The following EYA1 variants were observed in gnomAD, a reference collection of about 807,000 sequenced individuals.
EYA1 encodes protein phosphatase EYA1.
EYA1 carries 16 observed loss-of-function variants against 82.0 expected under a neutral mutation model. The ratio of observed to expected loss-of-function variants is 0.20; its 90% CI spans 0.13 to 0.30. EYA1 has a LOEUF of 0.30. Ranked by LOEUF, EYA1 falls within the 10% of genes least tolerant of loss-of-function variation. The pLI is 1.00. For missense variants in EYA1, 633 were observed against 730.7 expected, an observed-to-expected ratio of 0.87 and a Z score of 1.54; for synonymous variants, 261 against 264.4, an observed-to-expected ratio of 0.99 and a Z score of 0.12.
At chr8:71,215,870 C>T in intron 14 of EYA1, 142 bp from the exon 15 acceptor site, 3 of 710,270 alleles carry the variant, frequency 4.2e-6, no homozygotes, top group Non-Finnish European at 7.6e-6. Flanking sequence ...TAGTACCATT[C>T]ATTTGACAAG....
chr8:71,510,868 A>C (rs1170039436), intron 2 of EYA1, among the ~76,000 whole-genome samples: 2 of 152,254 alleles, frequency 1.3e-5, no homozygotes, highest in Non-Finnish European at 2.9e-5. Flanking sequence ...GAGTGAACAC[A>C]TCTTCCAATC....
At chr8:71,393,020 T>C (rs1024555583) in intron 2 of EYA1, among the ~76,000 whole-genome samples, 5 of 152,146 alleles carry the variant, frequency 3.3e-5, no homozygotes, top group Non-Finnish European at 5.9e-5. Flanking sequence ...AGAAAATTGG[T>C]TTCATAGAAT....
chr8:71,452,053 A>G (rs1382743950), intron 2 of EYA1, among the ~76,000 whole-genome samples: 1 of 152,174 alleles, frequency 6.6e-6, no homozygotes, highest in Non-Finnish European at 1.5e-5. Context: ...CACCTGGAAA[A>G]TCAGGTCACT....
chr8:71,304,642 T>C (rs1434566698), intron 7 of EYA1, among the ~76,000 whole-genome samples: 1 of 142,756 alleles, frequency 7.0e-6, no homozygotes, highest in African/African-American at 2.5e-5. Context: ...GGAGGTGTTA[T>C]AGCAATTGCT....
chr8:71,388,951 T>C (rs2129107424), intron 2 of EYA1, among the ~76,000 whole-genome samples: 1 of 152,114 alleles, frequency 6.6e-6, no homozygotes, highest in Admixed American at 6.6e-5. Flanking sequence ...CACAAGTCCC[T>C]TGTAGACTAA....
intron 2 of EYA1, among the ~76,000 whole-genome samples, chr8:71,440,631 T>A (rs1333415795): frequency 6.6e-6 from 1 of 152,138 alleles, no homozygotes; most frequent in Non-Finnish European, 1.5e-5. Context: ...AAATGTGGAA[T>A]ATCCAGTGGG....
intron 1 of EYA1, among the ~76,000 whole-genome samples, chr8:71,539,345 G>C (rs890156989): frequency 5.3e-5 from 8 of 152,176 alleles, no homozygotes; most frequent in Non-Finnish European, 1.5e-5. Flanking sequence ...GCAGAGAGTG[G>C]CATGCAGCCC....
chr8:71,363,493 C>T (rs1264785411), upstream of EYA1, among the ~76,000 whole-genome samples: 1 of 152,140 alleles, frequency 6.6e-6, no homozygotes, highest in Non-Finnish European at 1.5e-5. Flanking sequence ...AGCAAGGAAT[C>T]ATGGGCTAGT....
chr8:71,215,596 C>T lies in EYA1; in HGVS notation c.1475+18G>A. Reference sequence around the variant, plus strand: ...AGCATTGCCCATTTCCTGGCAAAGACCCCGCAGAGAGCCTCACCGGGAGTG... The same window carrying T: ...AGCATTGCCCATTTCCTGGCAAAGATCCCGCAGAGAGCCTCACCGGGAGTG... On this transcript the variant is annotated intron_variant, in intron 15 of 17. Coordinates refer to ENST00000340726, the MANE Select transcript of EYA1 (RefSeq NM_000503.6). 1.9e-6 allele frequency: 3 copies of T among 1,610,202 alleles called. No individual in the cohort carries two copies. Among genetic ancestry groups the T allele is most frequent in the Non-Finnish European group, 2.6e-6 (3 of 1,176,468 alleles).
chr8:71,493,642 A>C (rs546668107), intron 2 of EYA1, among the ~76,000 whole-genome samples: 69 of 152,202 alleles, frequency 4.5e-4, no homozygotes, highest in African/African-American at 1.6e-3. Context: ...ATTACTTTGA[A>C]CATTTTAAAT....
intron 2 of EYA1, among the ~76,000 whole-genome samples, chr8:71,452,055 C>T (rs1807426998): frequency 6.6e-6 from 1 of 152,220 alleles, no homozygotes; most frequent in South Asian, 2.1e-4. Flanking sequence ...CCTGGAAAAT[C>T]AGGTCACTCC....
intron 9 of EYA1, among the ~76,000 whole-genome samples, chr8:71,288,924 C>T (rs540072426): frequency 1.4e-4 from 22 of 152,224 alleles, no homozygotes; most frequent in African/African-American, 5.3e-4. Context: ...CTGAAGGAGT[C>T]AGATAAGTTT....
At chr8:71,417,461 G>GT (rs748266838) in intron 2 of EYA1, among the ~76,000 whole-genome samples, 14 of 151,976 alleles carry the variant, frequency 9.2e-5, no homozygotes, top group African/African-American at 1.4e-4. Flanking sequence ...CCTACTAAAA[G>GT]TTTTTTTTAA....
chr8:71,395,005 C>A (rs1307920648), intron 2 of EYA1, among the ~76,000 whole-genome samples: 1 of 152,164 alleles, frequency 6.6e-6, no homozygotes, highest in Non-Finnish European at 1.5e-5. Flanking sequence ...AGAGGTCCTT[C>A]ACATCCCTTG....
intron 2 of EYA1, among the ~76,000 whole-genome samples, chr8:71,379,849 T>A (rs1284194352): frequency 6.6e-6 from 1 of 152,144 alleles, no homozygotes; most frequent in Non-Finnish European, 1.5e-5. Context: ...CTTCTCACAT[T>A]TCAAAAAGCA....
At position 71,219,529 on chromosome 8, in the gene EYA1, A is replaced by G. The variant is rs1467488749; in HGVS notation, c.1141-2506T>C. On this transcript the variant is annotated intron_variant, in intron 12 of 17. Coordinates refer to ENST00000340726, the MANE Select transcript of EYA1 (RefSeq NM_000503.6). ...AAATACTATATTGTACAAACTTCAA[A>G]TACATAAAATACATACTGAGGGTTC... Among the ~76,000 whole-genome samples the G allele has an allele frequency of 2.0e-5, 3 of 152,238 alleles. No individual in the cohort carries two copies. In the South Asian group the frequency reaches 6.2e-4, roughly 31 times the overall value.
At chr8:71,487,747 G>A (rs946387495) in intron 2 of EYA1, among the ~76,000 whole-genome samples, 8 of 152,138 alleles carry the variant, frequency 5.3e-5, no homozygotes, top group African/African-American at 1.9e-4. Context: ...ATCAAGAAAA[G>A]ACAAATTAAA....
intron 1 of EYA1, among the ~76,000 whole-genome samples, chr8:71,545,880 G>A (rs188745572): frequency 3.9e-5 from 6 of 151,902 alleles, no homozygotes; most frequent in African/African-American, 7.3e-5. Context: ...ATCTTAATTC[G>A]CACTTTTCTC....
chr8:71,328,040 A>G (rs986120501), intron 4 of EYA1, among the ~76,000 whole-genome samples: 1 of 151,878 alleles, frequency 6.6e-6, no homozygotes, highest in African/African-American at 2.4e-5. Context: ...TATTTTTAGT[A>G]GAGACAGGGT....
Sources: gnomAD v4.1 joint callset for allele counts (sites outside exome capture counted in the v4.1 genomes callset) on GRCh38, gnomAD v4.1.1 for gene constraint, MANE v1.5 for transcripts, NCBI Gene and HGNC (gene_info 2026-07-23, HGNC 2026-07-21) for gene names.